Variants in ANO10 observed in about 807,000 individuals in gnomAD.
ANO10 encodes the protein anoctamin 10, also known as anoctamin-10.
In ANO10, 77 loss-of-function variants were observed where a neutral mutation model predicts 74.7. The observed-to-expected ratio is 1.03, with a 90% CI of 0.86 to 1.25. ANO10 has a LOEUF of 1.25. Among genes scored for constraint, ANO10 ranks in the 50% most tolerant of loss-of-function variants. The pLI is 0.00. For missense variants in ANO10, 721 were observed against 778.1 expected (o/e 0.93, Z 0.87); for synonymous variants, 279 against 284.9 (o/e 0.98, Z 0.21).
chr3:43,643,771 C>G (rs1003807604), intron 1 of ANO10, among the ~76,000 whole-genome samples: 2 of 150,030 alleles, frequency 1.3e-5, no homozygotes, highest in Non-Finnish European at 2.9e-5. Context: ...GCAAGCTCTG[C>G]CTCCTGGGTT....
chr3:43,382,070 C>T (rs902569655), intron 12 of ANO10, among the ~76,000 whole-genome samples: 10 of 152,180 alleles, frequency 6.6e-5, no homozygotes, highest in Admixed American at 2.0e-4. Flanking sequence ...AAAGGCAGTG[C>T]GGATACAGCA....
At chr3:43,628,751 AG>A (rs1444678216) in intron 1 of ANO10, among the ~76,000 whole-genome samples, 1 of 152,144 alleles carries the variant, frequency 6.6e-6, no homozygotes, top group African/African-American at 2.4e-5. Context: ...TCAAGGCTGT[AG>A]GGGTGAAATA....
At chr3:43,518,333 A>G (rs2077799021) in intron 11 of ANO10, among the ~76,000 whole-genome samples, 1 of 152,180 alleles carries the variant, frequency 6.6e-6, no homozygotes, top group Non-Finnish European at 1.5e-5. Context: ...ATAATTTCCT[A>G]TGCCTGTCTT....
intron 11 of ANO10, among the ~76,000 whole-genome samples, chr3:43,483,030 A>T (rs2076332412): frequency 6.6e-6 from 1 of 152,232 alleles, no homozygotes; most frequent in Non-Finnish European, 1.5e-5. Flanking sequence ...TTGTCTCTTA[A>T]AAGATTCAAT....
intron 11 of ANO10, among the ~76,000 whole-genome samples, chr3:43,531,160 T>C (rs183853861): frequency 1.3e-5 from 2 of 152,342 alleles, no homozygotes; most frequent in East Asian, 3.9e-4. Context: ...TATGTCTACA[T>C]GCTGTAGAGC....
chr3:43,375,372 C>T (rs1054047321), intron 12 of ANO10, among the ~76,000 whole-genome samples: 7 of 152,048 alleles, frequency 4.6e-5, no homozygotes, highest in East Asian at 1.9e-4. Flanking sequence ...CGCTTGAACC[C>T]GAGAGGTGGA....
At chr3:43,685,266 A>G (rs1387871720) in intron 1 of ANO10, among the ~76,000 whole-genome samples, 1 of 152,072 alleles carries the variant, frequency 6.6e-6, no homozygotes, top group Non-Finnish European at 1.5e-5. Context: ...GTATCCAGGC[A>G]TTTATCAATT....
At chr3:43,685,983 C>T (rs973189653) in intron 1 of ANO10, among the ~76,000 whole-genome samples, 1 of 152,020 alleles carries the variant, frequency 6.6e-6, no homozygotes, top group African/African-American at 2.4e-5. Flanking sequence ...CGTTTGTGTC[C>T]CACTGAAGAA....
rs562147666 is a variant in ANO10 at position 43,565,559 on chromosome 3, T to C, written c.1293+94A>G. ...CATACAAAATTTAAAAGATTTTATTTGTAAAAATAATTTGAAGGCAATTAC... is the reference window on the plus strand; with the variant it reads ...CATACAAAATTTAAAAGATTTTATTCGTAAAAATAATTTGAAGGCAATTAC... On this transcript the variant is annotated intron_variant, in intron 8 of 12. Transcript: ENST00000292246. The C allele has an allele frequency of 3.7e-4, 369 of 997,556 alleles. 2 individuals are homozygous for C. In the South Asian group the frequency reaches 5.5e-3, roughly 15 times the overall value. 61.8% of individuals were successfully genotyped at this position (997,556 alleles called of 1,614,324 possible). A position where few individuals can be genotyped will look rare whatever the true frequency, so the allele number is the denominator to read the frequency against.
At chr3:43,432,848 G>A (rs1460802580) in intron 11 of ANO10, 121 bp from the exon 12 acceptor site, 1 of 739,208 alleles carries the variant, frequency 1.4e-6, no homozygotes, top group East Asian at 2.8e-5. Context: ...CTAAGTATTG[G>A]CCTGTGAAGT....
chr3:43,369,509 T>G (rs1418924140), intron 12 of ANO10, among the ~76,000 whole-genome samples: 1 of 152,226 alleles, frequency 6.6e-6, no homozygotes, highest in Admixed American at 6.5e-5. Flanking sequence ...TGACCAAGCC[T>G]CACTGGAGTG....
chr3:43,372,534 G>C (rs1478788511), intron 12 of ANO10, among the ~76,000 whole-genome samples: 1 of 152,180 alleles, frequency 6.6e-6, no homozygotes, highest in African/African-American at 2.4e-5. Flanking sequence ...ACCCAGGCTT[G>C]CCTGCCCTGC....
chr3:43,641,983 A>G (rs111417806), intron 1 of ANO10, among the ~76,000 whole-genome samples: 1 of 152,222 alleles, frequency 6.6e-6, no homozygotes, highest in Non-Finnish European at 1.5e-5. Context: ...AATAAACTGT[A>G]GACTCATGCC....
chr3:43,368,507 A>C (rs986431531), intron 12 of ANO10, among the ~76,000 whole-genome samples: 3 of 152,178 alleles, frequency 2.0e-5, no homozygotes, highest in African/African-American at 7.2e-5. Flanking sequence ...AAGTCTCCCC[A>C]GAGTTTTTTG....
At chr3:43,517,260 AG>A (rs1446288305) in intron 11 of ANO10, among the ~76,000 whole-genome samples, 1 of 152,132 alleles carries the variant, frequency 6.6e-6, no homozygotes, top group African/African-American at 2.4e-5. Context: ...AATTTTTTCT[AG>A]TTTTTATATT....
At chr3:43,526,319 T>C (rs2078194374) in intron 11 of ANO10, among the ~76,000 whole-genome samples, 1 of 152,320 alleles carries the variant, frequency 6.6e-6, no homozygotes, top group East Asian at 1.9e-4. Context: ...CTCACTGGAT[T>C]TAGATATGCA....
chr3:43,441,952 C>T (rs964017194), intron 11 of ANO10, among the ~76,000 whole-genome samples: 1 of 152,046 alleles, frequency 6.6e-6, no homozygotes, highest in African/African-American at 2.4e-5. Context: ...ATTCAATACC[C>T]TTTCATGATA....
chr3:43,445,122 C>A (rs1277413470), intron 11 of ANO10, among the ~76,000 whole-genome samples: 878 of 90,910 alleles, frequency 9.7e-3, no homozygotes, highest in Middle Eastern at 0.021. Context: ...GACTTTGCCT[C>A]AAAAAAAAAA....
At chr3:43,633,911 A>AT (rs2083577056) in intron 1 of ANO10, among the ~76,000 whole-genome samples, 1 of 151,098 alleles carries the variant, frequency 6.6e-6, no homozygotes, top group Non-Finnish European at 1.5e-5. Flanking sequence ...AAAAAAACTC[A>AT]GACTTTTAAC....
Sources: gnomAD v4.1 joint callset for allele counts (sites outside exome capture counted in the v4.1 genomes callset) on GRCh38, gnomAD v4.1.1 for gene constraint, MANE v1.5 for transcripts, NCBI Gene and HGNC (gene_info 2026-07-23, HGNC 2026-07-21) for gene names.